The following CFAP61 variants were observed in gnomAD, a reference collection of about 807,000 sequenced individuals.
CFAP61 encodes the protein cilia- and flagella-associated protein 61.
A neutral mutation model predicts 135.6 loss-of-function variants in CFAP61; 107 were observed. The observed-to-expected ratio is 0.79, with a 90% CI of 0.67 to 0.93. The LOEUF (loss-of-function observed/expected upper bound fraction) is 0.93. Among genes scored for constraint, CFAP61 ranks in the 40% least tolerant of loss-of-function variants. The pLI, the probability that CFAP61 is intolerant of heterozygous loss-of-function variation, is 0.00. For synonymous variants in CFAP61, 575 were observed against 578.5 expected, an observed-to-expected ratio of 0.99 and a Z score of 0.09; for missense variants, 1,507 against 1,556.2, an observed-to-expected ratio of 0.97 and a Z score of 0.53.
chr20:20,224,816 G>A (rs1220982727), intron 17 of CFAP61, among the ~76,000 whole-genome samples: 2 of 152,176 alleles, frequency 1.3e-5, no homozygotes, highest in Admixed American at 1.3e-4. Flanking sequence ...TTCTTGGTAT[G>A]GTAGGTAGGT....
intron 6 of CFAP61, among the ~76,000 whole-genome samples, chr20:20,077,103 A>C (rs2046106683): frequency 6.6e-6 from 1 of 152,208 alleles, no homozygotes; most frequent in African/African-American, 2.4e-5. Flanking sequence ...AGCGGGATGC[A>C]CAGACAGAGA....
intron 21 of CFAP61, among the ~76,000 whole-genome samples, chr20:20,268,272 AC>A (rs1247981238): frequency 2.0e-5 from 3 of 152,202 alleles, no homozygotes; most frequent in Non-Finnish European, 4.4e-5. Flanking sequence ...CCCTCCGGGA[AC>A]CACACCCTGA....
intron 9 of CFAP61, 28 bp from the exon 10 acceptor site, chr20:20,159,342 T>C (rs369312827): frequency 2.5e-6 from 4 of 1,611,704 alleles, no homozygotes; most frequent in South Asian, 2.2e-5. Flanking sequence ...GTCGATTAAT[T>C]TTCATGTTTT....
At chr20:20,360,089 A>G in intron 26 of CFAP61, 121 bp from the exon 27 acceptor site, 1 of 741,498 alleles carries the variant, frequency 1.3e-6, no homozygotes, top group South Asian at 1.7e-5. Flanking sequence ...TTCAAAAGCT[A>G]GAAAAAAAAT....
chr20:20,205,998 TG>T (rs937027335), intron 17 of CFAP61, among the ~76,000 whole-genome samples: 12 of 150,686 alleles, frequency 8.0e-5, no homozygotes, highest in African/African-American at 2.9e-4. Flanking sequence ...TTTTTTGGGG[TG>T]GGGGTTGGGT....
At chr20:20,153,663 A>G (rs2052638785) in intron 9 of CFAP61, among the ~76,000 whole-genome samples, 2 of 152,156 alleles carry the variant, frequency 1.3e-5, no homozygotes, top group South Asian at 2.1e-4. Flanking sequence ...TTAATCAGGA[A>G]GAAATAGAAA....
chr20:20,110,772 C>T (rs773062197), intron 8 of CFAP61, among the ~76,000 whole-genome samples: 1 of 152,116 alleles, frequency 6.6e-6, no homozygotes, highest in Admixed American at 6.5e-5. Flanking sequence ...CAGCTCCAAG[C>T]ACGAGGCCCA....
chr20:20,211,729 T>C (rs964834687), intron 17 of CFAP61, among the ~76,000 whole-genome samples: 1 of 152,236 alleles, frequency 6.6e-6, no homozygotes, highest in East Asian at 1.9e-4. Flanking sequence ...TTTGTTTTAT[T>C]TTTTCATATA....
chr20:20,095,949 C>T (rs1163810381), intron 7 of CFAP61, among the ~76,000 whole-genome samples: 2 of 152,174 alleles, frequency 1.3e-5, no homozygotes, highest in African/African-American at 2.4e-5. Context: ...GGCCACAGTA[C>T]ACATAGTTTT....
chr20:20,052,984 G>A (rs2043879491), intron 1 of CFAP61, among the ~76,000 whole-genome samples: 1 of 152,140 alleles, frequency 6.6e-6, no homozygotes, highest in Non-Finnish European at 1.5e-5. Context: ...AAGGTACTTT[G>A]AAGCCAGATA....
intron 25 of CFAP61, among the ~76,000 whole-genome samples, chr20:20,317,632 A>C (rs1601974980): frequency 6.6e-6 from 1 of 152,136 alleles, no homozygotes; most frequent in Admixed American, 6.5e-5. Context: ...GCAGCTGCTA[A>C]TAGGTGCCAC....
chr20:20,172,470 C>G (rs2054296225), intron 13 of CFAP61: 2 of 160,148 alleles, frequency 1.2e-5, no homozygotes, highest in Admixed American at 1.3e-4. Flanking sequence ...GCATATGCCA[C>G]AACACCTGGC....
chr20:20,227,892 G>A (rs2048857003), intron 17 of CFAP61, among the ~76,000 whole-genome samples: 2 of 152,166 alleles, frequency 1.3e-5, no homozygotes, highest in South Asian at 2.1e-4. Flanking sequence ...GACCTTTCAT[G>A]GAACTACAGA....
chr20:20,085,463 G>C (rs754173817), intron 6 of CFAP61: 1 of 1,366,498 alleles, frequency 7.3e-7, no homozygotes, highest in African/African-American at 1.5e-5. Context: ...TTGGGAAAGG[G>C]CTTAAGAGAG....
intron 22 of CFAP61, among the ~76,000 whole-genome samples, chr20:20,284,546 A>G (rs1253888654): frequency 6.6e-6 from 1 of 152,114 alleles, no homozygotes; most frequent in African/African-American, 2.4e-5. Flanking sequence ...CAGCCTCCCA[A>G]AGTGTTGGGA....
At chr20:20,254,627 A>G (rs1332254026) in intron 20 of CFAP61, among the ~76,000 whole-genome samples, 1 of 152,230 alleles carries the variant, frequency 6.6e-6, no homozygotes, top group Admixed American at 6.5e-5. Flanking sequence ...GGGCAGCTGA[A>G]TTCACTGGGG....
intron 25 of CFAP61, among the ~76,000 whole-genome samples, chr20:20,302,080 A>G (rs2056144085): frequency 6.6e-6 from 1 of 152,180 alleles, no homozygotes; most frequent in Non-Finnish European, 1.5e-5. Flanking sequence ...TTATCATTTT[A>G]TCCATGAATG....
At chr20:20,174,281 G>A (rs956421913) in intron 13 of CFAP61, among the ~76,000 whole-genome samples, 1 of 152,160 alleles carries the variant, frequency 6.6e-6, no homozygotes, top group South Asian at 2.1e-4. Flanking sequence ...GCACCCGCCA[G>A]CCCACACCAG....
At chr20:20,094,299 T>C (rs2047407951) in intron 7 of CFAP61, 1 of 152,122 alleles carries the variant, frequency 6.6e-6, no homozygotes, top group Admixed American at 6.5e-5. Flanking sequence ...GAAGGGAGGG[T>C]TGGAAGCATT....
Sources: gnomAD v4.1 joint callset for allele counts (sites outside exome capture counted in the v4.1 genomes callset) on GRCh38, gnomAD v4.1.1 for gene constraint, MANE v1.5 for transcripts, NCBI Gene and HGNC (gene_info 2026-07-23, HGNC 2026-07-21) for gene names.